DIO2: variants seen among roughly 807,000 people sequenced by gnomAD.
DIO2 encodes the protein iodothyronine deiodinase 2, also known as type II iodothyronine deiodinase.
In DIO2, 19 loss-of-function variants were observed where a neutral mutation model predicts 21.4. The ratio of observed to expected loss-of-function variants is 0.89; its 90% CI spans 0.62 to 1.30. The LOEUF (loss-of-function observed/expected upper bound fraction) is 1.30, where lower values mean the gene tolerates loss of function less well. Ranked by LOEUF, DIO2 falls within the 50% of genes most tolerant of loss-of-function variation. DIO2 has a pLI of 0.00. For synonymous variants in DIO2, 122 were observed against 132.9 expected (o/e 0.92, Z 0.57); for missense variants, 302 against 338.1 (o/e 0.89, Z 0.84).
At chr14:80,220,669 A>G (rs1202452578) in intron 2 of DIO2, among the ~76,000 whole-genome samples, 2 of 152,212 alleles carry the variant, frequency 1.3e-5, no homozygotes, top group East Asian at 3.9e-4. Flanking sequence ...GAATGGGCTT[A>G]TAACTAAAAA....
intron 2 of DIO2, among the ~76,000 whole-genome samples, chr14:80,217,166 G>A (rs1260015310): frequency 1.3e-5 from 2 of 152,198 alleles, no homozygotes; most frequent in Non-Finnish European, 2.9e-5. Flanking sequence ...ATGAACTGTA[G>A]CATGAAAAAT....
Position 80,198,606 on chromosome 14 carries a change from G to A in DIO2, c.*4083C>T, listed in dbSNP as rs1887579246. The stretch of plus-strand genomic sequence containing the variant: ...TCCTCTCTTTTCTTAGAGAGCCTCA[G>A]GACATGACCAAGATTGTGCCCATTG... On this transcript the variant is annotated 3_prime_UTR_variant, in exon 2 of 2. Coordinates refer to ENST00000438257, the MANE Select transcript of DIO2 (RefSeq NM_013989.5). 1 of 151,988 alleles carries A rather than the reference G, an allele frequency of 6.6e-6. No homozygotes were observed. The highest frequency in any genetic ancestry group is 1.5e-5 in the Non-Finnish European group (1 of 68,026). 9.4% of individuals were successfully genotyped at this position (151,988 alleles called of 1,614,324 possible). A position where few individuals can be genotyped will look rare whatever the true frequency, so the allele number is the denominator to read the frequency against.
At chr14:80,206,311 T>C in intron 1 of DIO2, 3 of 1,565,114 alleles carry the variant, frequency 1.9e-6, no homozygotes, top group Non-Finnish European at 1.7e-6. Flanking sequence ...TGTCCATCTT[T>C]GCTAAAACCT....
At chr14:80,225,252 A>AC (rs1208569373) in intron 2 of DIO2, among the ~76,000 whole-genome samples, 3 of 151,830 alleles carry the variant, frequency 2.0e-5, no homozygotes, top group African/African-American at 7.3e-5. Context: ...TCACAAATCC[A>AC]CCCCTTGCCA....
chr14:80,209,429 C>T (rs1418280631), intron 1 of DIO2, among the ~76,000 whole-genome samples: 1 of 151,752 alleles, frequency 6.6e-6, no homozygotes, highest in East Asian at 1.9e-4. Flanking sequence ...GATCAAATCA[C>T]TGATATTTCC....
At chr14:80,230,901 A>T (rs895120169) in intron 2 of DIO2, 1 of 152,284 alleles carries the variant, frequency 6.6e-6, no homozygotes, top group Non-Finnish European at 1.5e-5. Context: ...ATTATCTTAC[A>T]TGATCACAAC....
At chr14:80,220,316 G>T (rs980060296) in intron 2 of DIO2, among the ~76,000 whole-genome samples, 3 of 152,206 alleles carry the variant, frequency 2.0e-5, no homozygotes, top group Non-Finnish European at 2.9e-5. Flanking sequence ...TCAATTAACA[G>T]AAAGTTAGTG....
chr14:80,220,901 T>C (rs563080002), intron 2 of DIO2, among the ~76,000 whole-genome samples: 2 of 152,284 alleles, frequency 1.3e-5, no homozygotes, highest in East Asian at 3.9e-4. Flanking sequence ...TTCACGAATA[T>C]AGGAAGTATT....
intron 1 of DIO2, chr14:80,205,776 C>T (rs776624320): frequency 2.3e-5 from 28 of 1,207,222 alleles, no homozygotes; most frequent in Non-Finnish European, 2.8e-5. Flanking sequence ...ATTCGTAATG[C>T]TCTTTATGGG....
Position 80,202,274 on chromosome 14 carries a change from C to T in DIO2, c.*415G>A, listed in dbSNP as rs905568825. The T allele has an allele frequency of 1.5e-5, 8 of 518,222 alleles. No individual in the cohort carries two copies. The highest frequency in any genetic ancestry group is 3.9e-5 in the African/African-American group (2 of 51,906). 32.1% of individuals were successfully genotyped at this position (518,222 alleles called of 1,614,324 possible). On this transcript the variant is annotated 3_prime_UTR_variant, in exon 2 of 2. Transcript: ENST00000438257. ...GGGAATTTTCCAACTGGGCTCCATC[C>T]ATGCCAAATAGAGCCAAGGCAATAC...
At chr14:80,220,175 C>T (rs1361933087) in intron 2 of DIO2, among the ~76,000 whole-genome samples, 1 of 152,024 alleles carries the variant, frequency 6.6e-6, no homozygotes, top group African/African-American at 2.4e-5. Flanking sequence ...CCCGTGTTCA[C>T]GCCATTCTCC....
At chr14:80,225,225 ACACT>A (rs1272963061) in intron 2 of DIO2, among the ~76,000 whole-genome samples, 2 of 152,156 alleles carry the variant, frequency 1.3e-5, no homozygotes, top group East Asian at 3.9e-4. Flanking sequence ...AATCAGGTTG[ACACT>A]CAGTATCTAC....
chr14:80,228,500 C>T (rs1000675537), intron 2 of DIO2, among the ~76,000 whole-genome samples: 6 of 152,140 alleles, frequency 3.9e-5, no homozygotes, highest in African/African-American at 1.2e-4. Flanking sequence ...TGGGAATCAC[C>T]ACCCCTGCAT....
intron 1 of DIO2, chr14:80,206,313 C>T (rs376459152): frequency 2.2e-5 from 34 of 1,563,230 alleles, no homozygotes; most frequent in South Asian, 2.1e-4. Flanking sequence ...TCCATCTTTG[C>T]TAAAACCTGA....
chr14:80,226,796 T>C (rs1436973019), intron 2 of DIO2, among the ~76,000 whole-genome samples: 2 of 152,198 alleles, frequency 1.3e-5, no homozygotes, highest in Non-Finnish European at 2.9e-5. Flanking sequence ...GAATGGGTCA[T>C]CCTATCCACT....
chr14:80,220,040 T>TTGTGTG (rs10553303), intron 2 of DIO2, among the ~76,000 whole-genome samples: 4 of 149,990 alleles, frequency 2.7e-5, no homozygotes, highest in African/African-American at 4.9e-5. Flanking sequence ...CAATCTTGTT[T>TTGTGTG]TGTGTGTGTG....
rs771690009 is a variant in DIO2 at position 80,202,988 on chromosome 14, C to G, written c.523G>C (p.Asp175His). Residue 175 changes from aspartate to histidine, a missense_variant, in exon 2 of 2, where the codon GAC becomes CAC. Asp to His is a moderately conservative substitution (Grantham distance 81). Transcript: ENST00000438257. ...TTCACCTCAAAAGACAAAGAGGAGTCCCCCGGTATCGCCCAGCCATCTGAT... is the reference window on the plus strand; with the variant it reads ...TTCACCTCAAAAGACAAAGAGGAGTGCCCCGGTATCGCCCAGCCATCTGAT... Reference protein sequence around the residue: ...HPSDGWAIPGDSSLSFEVKKH... With the variant: ...HPSDGWAIPGHSSLSFEVKKH... The G allele has an allele frequency of 1.2e-6, 2 of 1,613,780 alleles. No individual in the cohort carries two copies. Among genetic ancestry groups the G allele is most frequent in the Non-Finnish European group, 1.7e-6 (2 of 1,179,856 alleles).
At chr14:80,223,249 T>G (rs1888502198) in intron 2 of DIO2, among the ~76,000 whole-genome samples, 1 of 152,198 alleles carries the variant, frequency 6.6e-6, no homozygotes, top group African/African-American at 2.4e-5. Context: ...AATAATATTT[T>G]CAGTCTCACC....
upstream of DIO2, chr14:80,212,249 T>A (rs1888237325): frequency 6.6e-6 from 1 of 152,112 alleles, no homozygotes; most frequent in Non-Finnish European, 1.5e-5. Context: ...AGTGAAAGCC[T>A]AATCTTGGTA....
Sources: allele counts gnomAD v4.1 joint callset (sites outside exome capture counted in the v4.1 genomes callset), GRCh38; gene constraint gnomAD v4.1.1; transcripts MANE v1.5; gene names NCBI Gene and HGNC (gene_info 2026-07-23, HGNC 2026-07-21).